Variants in AFF3 observed in about 807,000 individuals in gnomAD.
AFF3 encodes the protein AF4/FMR2 family member 3.
In AFF3, 32 loss-of-function variants were observed where a neutral mutation model predicts 129.7. The observed-to-expected ratio is 0.25, with a 90% CI of 0.19 to 0.33. The LOEUF (loss-of-function observed/expected upper bound fraction) is 0.33, where lower values mean the gene tolerates loss of function less well. Ranked by LOEUF, AFF3 falls within the 10% of genes least tolerant of loss-of-function variation. The pLI is 1.00. For missense variants in AFF3, 1,373 were observed against 1,592.0 expected (o/e 0.86, Z 2.34); for synonymous variants, 644 against 635.4 (o/e 1.01, Z -0.20).
At chr2:99,871,075 G>A (rs568218586) in intron 7 of AFF3, among the ~76,000 whole-genome samples, 2 of 152,188 alleles carry the variant, frequency 1.3e-5, no homozygotes, top group Non-Finnish European at 2.9e-5. Flanking sequence ...CTACACACAA[G>A]CATTAACACA....
chr2:100,008,891 C>T lies in AFF3; in HGVS notation c.95G>A (p.Arg32Gln), dbSNP rs751422700. ...PDRNALRRKE[R>Q]ERRNQETQQD... ...TTGAGTTTCTTGATTTCTTCTTTCTCGTTCTTTCCTCCGTAATGCATTTCT... is the reference window on the plus strand; with the variant it reads ...TTGAGTTTCTTGATTTCTTCTTTCTTGTTCTTTCCTCCGTAATGCATTTCT... The change falls in exon 5 of 25, where the codon CGA becomes CAA. Residue 32 changes from arginine (R) to glutamine (Q), a missense_variant. This residue lies in a region of AFF3 where 255 missense variants were observed against 256.0 expected (regional missense o/e 1.00). Coordinates refer to ENST00000672756, the MANE Select transcript of AFF3 (RefSeq NM_001386135.1). The T allele has an allele frequency of 5.0e-6, 8 of 1,613,880 alleles. No individual in the cohort carries two copies. Among genetic ancestry groups the T allele is most frequent in the East Asian group, 4.5e-5 (2 of 44,892 alleles).
At chr2:99,987,226 C>T (rs914534721) in intron 7 of AFF3, among the ~76,000 whole-genome samples, 2 of 152,152 alleles carry the variant, frequency 1.3e-5, no homozygotes, top group African/African-American at 4.8e-5. Flanking sequence ...AACCATTAAA[C>T]CTAAAAGACA....
chr2:99,822,677 G>A (rs1384746205), intron 8 of AFF3, among the ~76,000 whole-genome samples: 5 of 152,022 alleles, frequency 3.3e-5, no homozygotes, highest in Admixed American at 6.6e-5. Context: ...AGATGGCTCC[G>A]CTGCCATGAC....
chr2:99,924,844 C>T (rs533265962), intron 7 of AFF3, among the ~76,000 whole-genome samples: 1 of 152,074 alleles, frequency 6.6e-6, no homozygotes, highest in East Asian at 1.9e-4. Context: ...ACTTAATTTT[C>T]CTGTGTCCAT....
intron 8 of AFF3, among the ~76,000 whole-genome samples, chr2:99,763,975 C>T (rs113797182): frequency 1.3e-5 from 2 of 152,292 alleles, no homozygotes; most frequent in African/African-American, 4.8e-5. Flanking sequence ...TCTGCCCCTG[C>T]CTGCGATGAG....
intron 7 of AFF3, among the ~76,000 whole-genome samples, chr2:100,000,014 G>A (rs908029300): frequency 2.0e-5 from 3 of 152,162 alleles, no homozygotes; most frequent in Non-Finnish European, 4.4e-5. Context: ...GAGTAGCTAT[G>A]GAATGGGATC....
chr2:99,923,065 C>A (rs1339056624), intron 7 of AFF3, among the ~76,000 whole-genome samples: 2 of 152,044 alleles, frequency 1.3e-5, no homozygotes, highest in Non-Finnish European at 2.9e-5. Context: ...TAATTTCTGC[C>A]CTATACCACC....
chr2:99,848,849 A>G (rs1689927884), intron 7 of AFF3, among the ~76,000 whole-genome samples: 1 of 152,200 alleles, frequency 6.6e-6, no homozygotes. Context: ...TTAATTATGG[A>G]CTTGATTTCT....
intron 11 of AFF3, among the ~76,000 whole-genome samples, chr2:99,692,643 T>C (rs1675791569): frequency 6.6e-6 from 1 of 152,154 alleles, no homozygotes; most frequent in Non-Finnish European, 1.5e-5. Flanking sequence ...ATCCCAAGTA[T>C]CACTCCTCTA....
intron 7 of AFF3, among the ~76,000 whole-genome samples, chr2:100,003,680 T>C (rs1681666891): frequency 1.3e-5 from 2 of 152,200 alleles, no homozygotes; most frequent in Non-Finnish European, 2.9e-5. Flanking sequence ...CAGGAATTAC[T>C]GCAAATAATT....
intron 11 of AFF3, among the ~76,000 whole-genome samples, chr2:99,705,748 C>A (rs1297341697): frequency 6.6e-6 from 1 of 151,700 alleles, no homozygotes; most frequent in African/African-American, 2.4e-5. Flanking sequence ...GTGACGGGCA[C>A]CTGTAATGCC....
chr2:100,056,991 C>T (rs1427421602), intron 4 of AFF3, among the ~76,000 whole-genome samples: 1 of 152,106 alleles, frequency 6.6e-6, no homozygotes, highest in Admixed American at 6.6e-5. Flanking sequence ...AGGTCTTCCA[C>T]ACATTCAAGA....
chr2:99,754,694 C>T (rs556071944), intron 8 of AFF3, among the ~76,000 whole-genome samples: 11 of 152,204 alleles, frequency 7.2e-5, no homozygotes, highest in Non-Finnish European at 1.5e-4. Context: ...CTGTTTAATA[C>T]ACCGTTTATC....
At chr2:99,751,001 A>G (rs1408790947) in intron 9 of AFF3, among the ~76,000 whole-genome samples, 1 of 152,238 alleles carries the variant, frequency 6.6e-6, no homozygotes. Flanking sequence ...AGAAAAATCA[A>G]CTCTTAGAAT....
At chr2:99,884,229 G>A (rs775351957) in intron 7 of AFF3, among the ~76,000 whole-genome samples, 1 of 152,084 alleles carries the variant, frequency 6.6e-6, no homozygotes, top group East Asian at 1.9e-4. Flanking sequence ...ATGGGGTTAC[G>A]ATGTGGTGTT....
intron 11 of AFF3, among the ~76,000 whole-genome samples, chr2:99,713,955 C>T (rs2104891194): frequency 6.6e-6 from 1 of 152,276 alleles, no homozygotes; most frequent in African/African-American, 2.4e-5. Context: ...CCTGCCTCAG[C>T]CTCCCAAAGT....
chr2:99,719,050 C>CTTTTTTT (rs554515502), intron 11 of AFF3, among the ~76,000 whole-genome samples: 2 of 108,184 alleles, frequency 1.8e-5, no homozygotes, highest in Non-Finnish European at 3.6e-5. Context: ...CGCGCCCGGC[C>CTTTTTTT]TTTTTTTTTT....
intron 7 of AFF3, among the ~76,000 whole-genome samples, chr2:99,989,275 T>C (rs1443212679): frequency 6.6e-6 from 1 of 152,210 alleles, no homozygotes; most frequent in Non-Finnish European, 1.5e-5. Flanking sequence ...ATACACACTG[T>C]AATCACAGAG....
intron 4 of AFF3, among the ~76,000 whole-genome samples, chr2:100,013,602 T>C (rs1422058174): frequency 6.6e-6 from 1 of 152,200 alleles, no homozygotes; most frequent in African/African-American, 2.4e-5. Context: ...TAAACCCTGA[T>C]GTCTGACAAG....
Sources: gnomAD v4.1 joint callset for allele counts (sites outside exome capture counted in the v4.1 genomes callset) on GRCh38, gnomAD v4.1.1 for gene constraint, gnomAD v4.1.1 regional missense constraint, MANE v1.5 for transcripts, NCBI Gene and HGNC (gene_info 2026-07-23, HGNC 2026-07-21) for gene names.